SND1: variants seen among roughly 807,000 people sequenced by gnomAD.
The protein encoded by SND1 is staphylococcal nuclease and tudor domain containing 1, also known as staphylococcal nuclease domain-containing protein 1.
Under a neutral mutation model 121.7 loss-of-function variants are expected in SND1, and 38 were observed. The ratio of observed to expected loss-of-function variants is 0.31; its 90% CI spans 0.24 to 0.41. The LOEUF (loss-of-function observed/expected upper bound fraction) is 0.41. Ranked by LOEUF, SND1 falls within the 10% of genes least tolerant of loss-of-function variation. SND1 has a pLI of 1.00. For synonymous variants in SND1, 401 were observed against 447.4 expected, an observed-to-expected ratio of 0.90 and a Z score of 1.31; for missense variants, 868 against 1,184.6, an observed-to-expected ratio of 0.73 and a Z score of 3.92.
intron 16 of SND1, among the ~76,000 whole-genome samples, chr7:128,025,008 C>T (rs1351507825): frequency 6.6e-6 from 1 of 152,194 alleles, no homozygotes; most frequent in Non-Finnish European, 1.5e-5. Flanking sequence ...CCAAGTCTTA[C>T]CTACTTCACT....
chr7:127,713,491 C>A (rs1796331942), intron 9 of SND1, among the ~76,000 whole-genome samples: 1 of 152,202 alleles, frequency 6.6e-6, no homozygotes, highest in African/African-American at 2.4e-5. Context: ...CAAGTCTTCC[C>A]TGAGTGATTC....
chr7:127,726,709 C>T lies in SND1; in HGVS notation c.1152+5309C>T, dbSNP rs192618461. Among the ~76,000 whole-genome samples the T allele has an allele frequency of 7.9e-5, 12 of 152,236 alleles. No individual in the cohort carries two copies. The East Asian group carries it at 1.7e-3, about 22-fold the overall frequency. On this transcript the variant is annotated intron_variant, in intron 10 of 23. Coordinates refer to ENST00000354725, the MANE Select transcript of SND1 (RefSeq NM_014390.4). The stretch of plus-strand genomic sequence containing the variant: ...ACAAAGGAAACAGCCCCCAGGCATC[C>T]GATGAAGGGGCTGACTTATTCTCCC...
intron 12 of SND1, among the ~76,000 whole-genome samples, chr7:127,851,894 C>T (rs145012465): frequency 1.7e-3 from 266 of 152,276 alleles, no homozygotes; most frequent in African/African-American, 6.0e-3. Context: ...CGGTGGCTCA[C>T]GCCTATAATC....
At chr7:127,802,173 AACTACTAATTGCCT>A in intron 10 of SND1, among the ~76,000 whole-genome samples, 1 of 152,246 alleles carries the variant, frequency 6.6e-6, no homozygotes, top group African/African-American at 2.4e-5. Flanking sequence ...CCCAAAATTC[AACTACTAATTGCCT>A]ACTGTTGACC....
chr7:128,012,247 C>G (rs1344506528), intron 16 of SND1, among the ~76,000 whole-genome samples: 1 of 152,142 alleles, frequency 6.6e-6, no homozygotes, highest in Non-Finnish European at 1.5e-5. Flanking sequence ...AGACCTGTAT[C>G]TGGAATCTGA....
At chr7:127,875,057 A>C (rs1799664188) in intron 12 of SND1, among the ~76,000 whole-genome samples, 1 of 152,128 alleles carries the variant, frequency 6.6e-6, no homozygotes, top group African/African-American at 2.4e-5. Context: ...TTAGACAACA[A>C]CTCATTAAAA....
chr7:127,954,322 C>T (rs977758185), intron 15 of SND1, among the ~76,000 whole-genome samples: 10 of 152,158 alleles, frequency 6.6e-5, no homozygotes. Context: ...TTTACTCCCC[C>T]CAAAATGCAG....
At chr7:127,844,289 T>C in intron 11 of SND1, 35 bp from the exon 12 acceptor site, 1 of 1,573,970 alleles carries the variant, frequency 6.4e-7, no homozygotes, top group Non-Finnish European at 8.7e-7. Flanking sequence ...TGTTGCAGAC[T>C]CTCAACCCTA....
chr7:127,984,452 A>G (rs761265501), intron 15 of SND1, among the ~76,000 whole-genome samples: 1 of 152,202 alleles, frequency 6.6e-6, no homozygotes, highest in Non-Finnish European at 1.5e-5. Context: ...TGGTATTTGC[A>G]TAAAACACCT....
At chr7:127,920,671 T>C (rs1800684053) in intron 14 of SND1, among the ~76,000 whole-genome samples, 3 of 152,130 alleles carry the variant, frequency 2.0e-5, no homozygotes, top group African/African-American at 7.2e-5. Context: ...CCTCATCACC[T>C]GGCACCTTTG....
chr7:127,777,503 T>C (rs1019155351), intron 10 of SND1, among the ~76,000 whole-genome samples: 1 of 152,192 alleles, frequency 6.6e-6, no homozygotes, highest in African/African-American at 2.4e-5. Flanking sequence ...GGAAGTTTGG[T>C]TGTCCATATT....
intron 16 of SND1, among the ~76,000 whole-genome samples, chr7:128,063,070 A>G (rs1199692387): frequency 6.6e-6 from 1 of 152,090 alleles, no homozygotes; most frequent in East Asian, 1.9e-4. Context: ...GCTTCATGGC[A>G]TCTGTGGCCT....
At chr7:127,993,274 TC>T in intron 16 of SND1, among the ~76,000 whole-genome samples, 1 of 152,238 alleles carries the variant, frequency 6.6e-6, no homozygotes, top group Non-Finnish European at 1.5e-5. Context: ...ACAGGCTTAT[TC>T]ATTTACTTTT....
chr7:127,998,508 G>A (rs1449436824), intron 16 of SND1: 1 of 155,194 alleles, frequency 6.4e-6, no homozygotes, highest in Non-Finnish European at 1.4e-5. Context: ...TTTCTGTTTT[G>A]TGGATTAGAC....
chr7:127,995,238 G>A (rs906331817), intron 16 of SND1, among the ~76,000 whole-genome samples: 1 of 152,184 alleles, frequency 6.6e-6, no homozygotes, highest in Non-Finnish European at 1.5e-5. Flanking sequence ...TGGCTCTCCT[G>A]TCCCCTGCCG....
intron 15 of SND1, among the ~76,000 whole-genome samples, chr7:127,984,392 C>T (rs1240893373): frequency 6.6e-6 from 1 of 152,156 alleles, no homozygotes; most frequent in African/African-American, 2.4e-5. Flanking sequence ...TGTTATATAA[C>T]CATGGGAAAG....
At chr7:127,819,093 A>T (rs1177452646) in intron 11 of SND1, among the ~76,000 whole-genome samples, 1 of 152,230 alleles carries the variant, frequency 6.6e-6, no homozygotes, top group Admixed American at 6.5e-5. Context: ...TTGTAATAGT[A>T]TAGGGAGAGA....
intron 10 of SND1, among the ~76,000 whole-genome samples, chr7:127,733,271 G>A (rs1480331750): frequency 6.6e-6 from 1 of 152,160 alleles, no homozygotes; most frequent in African/African-American, 2.4e-5. Flanking sequence ...ATAATTGAGG[G>A]ATGGAAAGTC....
In SND1 at chr7:127,861,028, G is replaced by A. The variant is rs536629662; in HGVS notation, c.1343+16604G>A. Reference sequence around the variant, plus strand: ...GGCAGGCTTTAATCCAAACTAATATGCTGGAGAAGATTGGCTGTTTTATGC... The same window carrying A: ...GGCAGGCTTTAATCCAAACTAATATACTGGAGAAGATTGGCTGTTTTATGC... On this transcript the variant is annotated intron_variant, in intron 12 of 23. Coordinates refer to ENST00000354725, the MANE Select transcript of SND1 (RefSeq NM_014390.4). Among the ~76,000 whole-genome samples, 3 of 152,306 alleles carry A rather than the reference G, an allele frequency of 2.0e-5. No homozygotes were observed. In the South Asian group the frequency reaches 6.2e-4, roughly 32 times the overall value.
Sources: gnomAD v4.1 joint callset for allele counts (sites outside exome capture counted in the v4.1 genomes callset) on GRCh38, gnomAD v4.1.1 for gene constraint, MANE v1.5 for transcripts, NCBI Gene and HGNC (gene_info 2026-07-23, HGNC 2026-07-21) for gene names.